Variants in TMEM243 observed in about 807,000 individuals in gnomAD.
TMEM243 encodes the protein MDR1 and mitochondrial taxol resistance associated.
In TMEM243, 20 loss-of-function variants were observed where a neutral mutation model predicts 15.0. That is an observed-to-expected ratio of 1.33 (90% confidence interval 0.94 to 1.93). The LOEUF (loss-of-function observed/expected upper bound fraction) is 1.93. TMEM243 is among the 30% of genes most tolerant of loss of function. The pLI is 0.00. For synonymous variants in TMEM243, 72 were observed against 52.7 expected (o/e 1.37, Z -1.59); for missense variants, 156 against 142.1 (o/e 1.10, Z -0.50).
chr7:87,210,359 C>T (rs1335774836), intron 1 of TMEM243, among the ~76,000 whole-genome samples: 3 of 152,226 alleles, frequency 2.0e-5, no homozygotes, highest in South Asian at 2.1e-4. Context: ...TCCCAACAGT[C>T]CCCCCGAAGT....
At chr7:87,213,946 T>C (rs576605937) in intron 1 of TMEM243, among the ~76,000 whole-genome samples, 3 of 152,292 alleles carry the variant, frequency 2.0e-5, no homozygotes, top group Admixed American at 2.0e-4. Context: ...CCCCAAATCA[T>C]TGACTTTATA....
At chr7:87,207,056 A>G (rs1465344378) in intron 1 of TMEM243, among the ~76,000 whole-genome samples, 2 of 152,236 alleles carry the variant, frequency 1.3e-5, no homozygotes, top group African/African-American at 4.8e-5. Flanking sequence ...AAGGTGCAAC[A>G]CCCTAACAGA....
intron 2 of TMEM243, 27 bp from the exon 3 acceptor site, chr7:87,198,072 C>T (rs919132238): frequency 4.4e-6 from 7 of 1,583,196 alleles, no homozygotes; most frequent in Non-Finnish European, 6.1e-6. Context: ...TATGTAAGGC[C>T]TTAACAGTAA....
intron 1 of TMEM243, among the ~76,000 whole-genome samples, chr7:87,214,108 T>C (rs1802947887): frequency 6.6e-6 from 1 of 152,204 alleles, no homozygotes; most frequent in Non-Finnish European, 1.5e-5. Flanking sequence ...GTGTTCCTTC[T>C]TTTCCCATTT....
intron 1 of TMEM243, 65 bp from the exon 2 acceptor site, chr7:87,199,122 T>C: frequency 7.5e-7 from 1 of 1,331,356 alleles, no homozygotes; most frequent in South Asian, 1.4e-5. Flanking sequence ...TATAGTACAA[T>C]GCAAGGCATT....
rs532243023 is a variant in TMEM243, at chr7:87,197,316, T to C, written c.235-558A>G. 4.0e-5 allele frequency among the ~76,000 whole-genome samples: 6 copies of C among 151,112 alleles called. No individual in the cohort carries two copies. In the South Asian group the frequency reaches 1.2e-3, roughly 31 times the overall value. On this transcript the variant is annotated intron_variant, in intron 3 of 3. Coordinates refer to ENST00000257637, the MANE Select transcript of TMEM243 (RefSeq NM_024315.4). Reference sequence around the variant, plus strand: ...TTAATTTTAACTCAGATAAGCAAATTACTATTGTTTTTTCTTTTGATTCTG... The same window carrying C: ...TTAATTTTAACTCAGATAAGCAAATCACTATTGTTTTTTCTTTTGATTCTG...
chr7:87,199,428 C>T, intron 1 of TMEM243: 1 of 192,102 alleles, frequency 5.2e-6, no homozygotes, highest in Non-Finnish European at 1.1e-5. Flanking sequence ...TTAAAGGTAT[C>T]AGGAACCGGA....
intron 1 of TMEM243, among the ~76,000 whole-genome samples, chr7:87,201,221 A>G (rs762382926): frequency 3.9e-5 from 6 of 152,216 alleles, no homozygotes; most frequent in Non-Finnish European, 7.3e-5. Context: ...TCAACCATGA[A>G]TTCAGGTATG....
At chr7:87,198,894 TG>T in intron 2 of TMEM243, 112 bp downstream of exon 2, 1 of 928,608 alleles carries the variant, frequency 1.1e-6, no homozygotes, top group Non-Finnish European at 1.6e-6. Context: ...TGCAATTTTG[TG>T]GTAATAAAAT....
chr7:87,218,248 C>G (rs1285051257), intron 1 of TMEM243, among the ~76,000 whole-genome samples: 1 of 152,202 alleles, frequency 6.6e-6, no homozygotes, highest in Non-Finnish European at 1.5e-5. Context: ...AGGAGGAATG[C>G]GTCTCAAACC....
At chr7:87,205,120 A>T (rs1802107718) in intron 1 of TMEM243, among the ~76,000 whole-genome samples, 1 of 151,878 alleles carries the variant, frequency 6.6e-6, no homozygotes, top group Admixed American at 6.6e-5. Flanking sequence ...AGCTGCTGGG[A>T]CACAGAGCAC....
At chr7:87,199,166 G>A in intron 1 of TMEM243, 109 bp from the exon 2 acceptor site, 1 of 822,976 alleles carries the variant, frequency 1.2e-6, no homozygotes, top group Non-Finnish European at 1.9e-6. Flanking sequence ...CCAAGATCCA[G>A]TCCTCTGAGC....
At chr7:87,202,673 A>G (rs1425239631) in intron 1 of TMEM243, among the ~76,000 whole-genome samples, 1 of 152,232 alleles carries the variant, frequency 6.6e-6, no homozygotes, top group Non-Finnish European at 1.5e-5. Context: ...CTGTTCACAA[A>G]AGACAAGTGT....
intron 1 of TMEM243, among the ~76,000 whole-genome samples, chr7:87,216,325 A>C (rs550001117): frequency 2.0e-5 from 3 of 150,870 alleles, no homozygotes; most frequent in African/African-American, 7.3e-5. Flanking sequence ...AGGCGCCTAT[A>C]GTCCCAGCTA....
In TMEM243 at chr7:87,196,672, T is replaced by G. The variant is rs748967954; in HGVS notation, c.321A>C (p.Ile107=). The G allele has an allele frequency of 2.5e-6, 4 of 1,610,788 alleles. No homozygotes were observed. In the East Asian group the frequency reaches 6.7e-5, roughly 27 times the overall value. Residue 107 remains isoleucine (I), a synonymous_variant, in exon 4 of 4, where the codon ATA becomes ATC. Coordinates refer to ENST00000257637, the MANE Select transcript of TMEM243 (RefSeq NM_024315.4). ...CATCATGGAAGTACAGGTTTGCACA[T>G]ATACACAACATGATGATAGAAAATA... ...YIIFSIIMLC[I]CANLYFHDVG...
At chr7:87,200,964 A>G (rs1415348246) in intron 1 of TMEM243, among the ~76,000 whole-genome samples, 1 of 152,236 alleles carries the variant, frequency 6.6e-6, no homozygotes, top group Non-Finnish European at 1.5e-5. Context: ...ACTTTGTTCC[A>G]CATTTTTGGA....
At chr7:87,200,665 A>G (rs1299562142) in intron 1 of TMEM243, among the ~76,000 whole-genome samples, 2 of 152,190 alleles carry the variant, frequency 1.3e-5, no homozygotes, top group African/African-American at 4.8e-5. Flanking sequence ...ACATTCACCA[A>G]TCCTCTCTTT....
At chr7:87,209,572 G>C (rs1477787076) in intron 1 of TMEM243, among the ~76,000 whole-genome samples, 2 of 151,476 alleles carry the variant, frequency 1.3e-5, no homozygotes, top group African/African-American at 4.9e-5. Context: ...ATGAGAGAGA[G>C]ACAGTGAGAG....
intron 1 of TMEM243, among the ~76,000 whole-genome samples, chr7:87,217,824 C>G (rs946079635): frequency 2.0e-5 from 3 of 152,230 alleles, no homozygotes; most frequent in Non-Finnish European, 4.4e-5. Context: ...TCAAATGGAT[C>G]ATGGGCAATA....
Sources: allele counts gnomAD v4.1 joint callset (sites outside exome capture counted in the v4.1 genomes callset), GRCh38; gene constraint gnomAD v4.1.1; transcripts MANE v1.5; gene names NCBI Gene and HGNC (gene_info 2026-07-23, HGNC 2026-07-21).